The following DBNL variants were observed in gnomAD, a reference collection of about 807,000 sequenced individuals.
The protein encoded by DBNL is drebrin like, also known as drebrin-like protein.
A neutral mutation model predicts 62.2 loss-of-function variants in DBNL; 35 were observed. The ratio of observed to expected loss-of-function variants is 0.56; its 90% CI spans 0.43 to 0.75. The LOEUF (loss-of-function observed/expected upper bound fraction) is 0.75, where lower values mean the gene tolerates loss of function less well. Among genes scored for constraint, DBNL ranks in the 30% least tolerant of loss-of-function variants. DBNL has a pLI of 0.00. For synonymous variants in DBNL, 197 were observed against 218.0 expected (o/e 0.90, Z 0.85); for missense variants, 495 against 578.4 (o/e 0.86, Z 1.48).
Position 44,065,292 on chromosome 7 carries a change from G to A in DBNL, c.*4376G>A. 1 of 1,613,602 alleles carries A rather than the reference G, an allele frequency of 6.2e-7. No individual in the cohort carries two copies. The highest frequency in any genetic ancestry group is 8.5e-7 in the Non-Finnish European group (1 of 1,180,048). On this transcript the variant is annotated 3_prime_UTR_variant, in exon 13 of 13. Coordinates refer to ENST00000448521, the MANE Select transcript of DBNL (RefSeq NM_001014436.3). ...TTGAGGCGCCAAGTGCGCACCACAG[G>A]CAGCCACATCTGGTCCGTGCCGTCC... is the stretch of plus-strand genomic sequence containing the variant.
intron 3 of DBNL, 57 bp from the exon 4 acceptor site, chr7:44,052,810 G>A (rs996111464): frequency 1.2e-6 from 2 of 1,603,002 alleles, no homozygotes; most frequent in Admixed American, 1.7e-5. Context: ...GGGTCCCCAG[G>A]GAAGGGAAGT....
chr7:44,052,885 G>A lies in DBNL; in HGVS notation c.271G>A (p.Asp91Asn), dbSNP rs139647339. Residue 91 changes from aspartate to asparagine, a missense_variant, in exon 4 of 13, where the codon GAT becomes AAT. Asp to Asn is a conservative substitution (Grantham distance 23, BLOSUM62 1). Transcript: ENST00000448521. Reference sequence around the variant, plus strand: ...GTTGCAGACAGGCGAGGGCGTGAACGATGTGCGGAAGGGAGCCTGTGCCAG... The same window carrying A: ...GTTGCAGACAGGCGAGGGCGTGAACAATGTGCGGAAGGGAGCCTGTGCCAG... ...LINWTGEGVN[D>N]VRKGACASHV... The A allele has an allele frequency of 4.3e-5, 69 of 1,613,766 alleles. No homozygotes were observed. Among genetic ancestry groups the A allele is most frequent in the Admixed American group, 1.7e-4 (10 of 60,004 alleles).
Position 44,064,794 on chromosome 7 carries a change from C to CCCCCCCCCCCCCCCCCCGCCCCCGGG in DBNL, c.*3880_*3881insCCCCCCCCCCCCCCCGCCCCCGGGCC. The CCCCCCCCCCCCCCCCCCGCCCCCGGG allele has an allele frequency of 1.9e-6, 1 of 526,670 alleles. No individual in the cohort carries two copies. The highest frequency in any genetic ancestry group is 3.6e-6 in the Non-Finnish European group (1 of 274,530). 32.6% of individuals were successfully genotyped at this position (526,670 alleles called of 1,614,324 possible). Reference sequence around the variant, plus strand: ...GATGAGAAGCCAGCTGGGGCTGCTGCCCACCCACCCTGCCCAGGCTCCTGA... The same window carrying CCCCCCCCCCCCCCCCCCGCCCCCGGG: ...GATGAGAAGCCAGCTGGGGCTGCTGCCCCCCCCCCCCCCCCCCGCCCCCGGGCCACCCACCCTGCCCAGGCTCCTGA... On this transcript the variant is annotated 3_prime_UTR_variant, in exon 13 of 13. Coordinates refer to ENST00000448521, the MANE Select transcript of DBNL (RefSeq NM_001014436.3).
Position 44,051,820 on chromosome 7 carries a change from T to C in DBNL, c.140-10T>C. 5 of 1,613,782 alleles carry C rather than the reference T, an allele frequency of 3.1e-6. No individual in the cohort carries two copies. The highest frequency in any genetic ancestry group is 4.2e-6 in the Non-Finnish European group (5 of 1,179,792). ...GGCCACCCCTGACCTTCACTGTGAC[T>C]CTGCTGCAGAGGGTGGCCTGGAGGA... is the stretch of plus-strand genomic sequence containing the variant. On this transcript the variant is annotated splice_polypyrimidine_tract_variant and intron_variant, in intron 2 of 12. Transcript: ENST00000448521.
chr7:44,051,578 G>C, intron 2 of DBNL: 1 of 338,682 alleles, frequency 3.0e-6, no homozygotes, highest in South Asian at 7.4e-5. Flanking sequence ...TTTTAAACGA[G>C]TGTGGGTAAA....
intron 2 of DBNL, 99 bp downstream of exon 2, chr7:44,050,379 G>C: frequency 1.5e-6 from 2 of 1,312,594 alleles, no homozygotes; most frequent in Non-Finnish European, 2.2e-6. Flanking sequence ...GAGCCACATG[G>C]GGCTTCCAGT....
In DBNL at chr7:44,061,017, A is replaced by AT. The variant is rs1456395882; in HGVS notation, c.*101_*102insT. On this transcript the variant is annotated 3_prime_UTR_variant, in exon 13 of 13. Coordinates refer to ENST00000448521, the MANE Select transcript of DBNL (RefSeq NM_001014436.3). ...CATTCAGCACTCTTCCAGGAATAGG[A>AT]CCCCCAGTGAGGATGAGGCCTCAGG... is the stretch of plus-strand genomic sequence containing the variant. The AT allele has an allele frequency of 6.8e-7, 1 of 1,463,468 alleles. No individual in the cohort carries two copies. Among genetic ancestry groups the AT allele is most frequent in the African/African-American group, 1.4e-5 (1 of 71,014 alleles). The allele number at this position is 1,463,468 out of a possible 1,614,324, so 90.7% of individuals were successfully genotyped here. A position where few individuals can be genotyped will look rare whatever the true frequency, so the allele number is the denominator to read the frequency against.
intron 2 of DBNL, 133 bp downstream of exon 2, chr7:44,050,413 C>A (rs2096124557): frequency 3.4e-6 from 3 of 872,452 alleles, no homozygotes; most frequent in African/African-American, 3.4e-5. Flanking sequence ...TTCTGGCAGG[C>A]CTTAGGTTTC....
Position 44,059,338 on chromosome 7 carries a change from T to G in DBNL, c.836-16T>G. Reference sequence around the variant, plus strand: ...GGTGTTTCTGAAGTGATGTATATATTTACCCGGGTTTGCAGGCAAGCTGAG... The same window carrying G: ...GGTGTTTCTGAAGTGATGTATATATGTACCCGGGTTTGCAGGCAAGCTGAG... On this transcript the variant is annotated splice_polypyrimidine_tract_variant and intron_variant, in intron 9 of 12. Transcript: ENST00000448521. The surrounding 1 kb of genome is among the most constrained non-coding windows in gnomAD (Gnocchi z 4.1). 2 of 1,613,408 alleles carry G rather than the reference T, an allele frequency of 1.2e-6. No homozygotes were observed. The highest frequency in any genetic ancestry group is 1.1e-5 in the South Asian group (1 of 91,054).
intron 7 of DBNL, 47 bp from the exon 8 acceptor site, chr7:44,058,385 A>C: frequency 6.2e-7 from 1 of 1,613,866 alleles, no homozygotes; most frequent in Non-Finnish European, 8.5e-7. Context: ...TGGCATGAGA[A>C]GCTGTGACTG....
rs750344114 is a variant in DBNL, at chr7:44,065,514, G to C, written c.*4598G>C. 7.1e-5 allele frequency: 115 copies of C among 1,613,890 alleles called. 1 individual carries two copies. In the Middle Eastern group the frequency reaches 1.6e-3, roughly 23 times the overall value. ...CTCTCGCCGTGCCGGACCATCACGAGGCGGTGAGTGGCCATGGTGGCAGCA... is the reference window on the plus strand; with the variant it reads ...CTCTCGCCGTGCCGGACCATCACGACGCGGTGAGTGGCCATGGTGGCAGCA... On this transcript the variant is annotated 3_prime_UTR_variant, in exon 13 of 13. Transcript: ENST00000448521.
intron 4 of DBNL, 106 bp from the exon 5 acceptor site, chr7:44,056,651 C>G: frequency 1.4e-6 from 2 of 1,448,636 alleles, no homozygotes; most frequent in Non-Finnish European, 1.9e-6. Context: ...TTCCTGATTC[C>G]AGTCCTGTGT....
At position 44,064,620 on chromosome 7, in the gene DBNL, A is replaced by C; in HGVS notation, c.*3704A>C. 2 of 591,758 alleles carry C rather than the reference A, an allele frequency of 3.4e-6. No individual in the cohort carries two copies. The highest frequency in any genetic ancestry group is 6.1e-6 in the Non-Finnish European group (2 of 330,554). 36.7% of individuals were successfully genotyped at this position (591,758 alleles called of 1,614,324 possible). On this transcript the variant is annotated 3_prime_UTR_variant, in exon 13 of 13. Transcript: ENST00000448521. ...TCGGGACACAGCGAGCTTCGAGTGC[A>C]GTCAGCCCCTGTGGAGTGTGTCCCA...
At position 44,059,980 on chromosome 7, in the gene DBNL, T is replaced by C. The variant is rs2096145286; in HGVS notation, c.1048-68T>C. On this transcript the variant is annotated intron_variant, in intron 11 of 12. Coordinates refer to ENST00000448521, the MANE Select transcript of DBNL (RefSeq NM_001014436.3). This position sits in a 1 kb window ranked among gnomAD's most constrained non-coding sequence, Gnocchi z 4.1. ...CGTACTCCCAGCTTGACCTGAGCCA[T>C]GTGGGGCAGAGCAGCGATTGTGTGT... 2.4e-5 allele frequency: 36 copies of C among 1,499,690 alleles called. No homozygotes were observed. Among genetic ancestry groups the C allele is most frequent in the Non-Finnish European group, 3.1e-5 (34 of 1,091,802 alleles). 92.9% of individuals were successfully genotyped at this position (1,499,690 alleles called of 1,614,324 possible).
rs1163402752 is a variant in DBNL, at chr7:44,044,803, G to T, written c.66G>T (p.Glu22Asp). 3 of 1,493,594 alleles carry T rather than the reference G, an allele frequency of 2.0e-6. No individual in the cohort carries two copies. Among genetic ancestry groups the T allele is most frequent in the Admixed American group, 2.3e-5 (1 of 43,860 alleles). 92.5% of individuals were successfully genotyped at this position (1,493,594 alleles called of 1,614,324 possible). A position where few individuals can be genotyped will look rare whatever the true frequency, so the allele number is the denominator to read the frequency against. ...LQEAYVRVVTEKSPTDWALFT... is the reference protein window; with the variant it reads ...LQEAYVRVVTDKSPTDWALFT... ...AGGCCTACGTGCGGGTGGTCACCGAGAAGTCCCCGACCGACTGGTGGGCGG... is the reference window on the plus strand; with the variant it reads ...AGGCCTACGTGCGGGTGGTCACCGATAAGTCCCCGACCGACTGGTGGGCGG... The change falls in exon 1 of 13, where the codon GAG (glutamate) becomes GAT (aspartate). Residue 22 changes from glutamate to aspartate, a missense_variant. By Grantham distance (45) the Glu-to-Asp change is conservative. Transcript: ENST00000448521.
rs367760382 is a variant in DBNL, at chr7:44,058,232, G to C, written c.656G>C (p.Arg219Pro). Residue 219 changes from arginine to proline, a missense_variant, in exon 7 of 13, where the codon CGC (arginine) becomes CCC (proline). Transcript: ENST00000448521. Reference sequence around the variant, plus strand: ...GAGCGTGAGCTGCGTGAGGCTGCACGCCGGGAGCAGCGCTATCAGGAGCAG... The same window carrying C: ...GAGCGTGAGCTGCGTGAGGCTGCACCCCGGGAGCAGCGCTATCAGGAGCAG... ...RRERELREAA[R>P]REQRYQEQGG... 6 of 1,576,046 alleles carry C rather than the reference G, an allele frequency of 3.8e-6. No homozygotes were observed. The highest frequency in any genetic ancestry group is 5.2e-6 in the Non-Finnish European group (6 of 1,162,486).
Position 44,059,725 on chromosome 7 carries a change from G to A in DBNL, c.1047+67G>A, listed in dbSNP as rs192108782. 1.0e-4 allele frequency: 149 copies of A among 1,435,194 alleles called. No individual in the cohort carries two copies. The East Asian group carries it at 2.4e-3, about 23-fold the overall frequency. The allele number at this position is 1,435,194 out of a possible 1,614,324, so 88.9% of individuals were successfully genotyped here. A position where few individuals can be genotyped will look rare whatever the true frequency, so the allele number is the denominator to read the frequency against. ...TACTCAGGAACACTTATCACGGGCC[G>A]CCTGAGTTTTCTGGGGGCATGCAAC... On this transcript the variant is annotated intron_variant, in intron 11 of 12. Coordinates refer to ENST00000448521, the MANE Select transcript of DBNL (RefSeq NM_001014436.3). This position sits in a 1 kb window ranked among gnomAD's most constrained non-coding sequence, Gnocchi z 4.1.
At chr7:44,047,421 T>A (rs1475118343) in intron 1 of DBNL, among the ~76,000 whole-genome samples, 3 of 152,182 alleles carry the variant, frequency 2.0e-5, no homozygotes, top group African/African-American at 7.2e-5. Flanking sequence ...GGAGCAACCA[T>A]GACATCAGCT....
At chr7:44,053,888 G>A (rs2096131115) in intron 4 of DBNL, among the ~76,000 whole-genome samples, 1 of 152,142 alleles carries the variant, frequency 6.6e-6, no homozygotes, top group African/African-American at 2.4e-5. Flanking sequence ...GTGTTAGCCA[G>A]GATGGTCTCG....
Sources: gnomAD v4.1 joint callset for allele counts (sites outside exome capture counted in the v4.1 genomes callset) on GRCh38, gnomAD v4.1.1 for gene constraint, Gnocchi (gnomAD v3.1) non-coding constraint, MANE v1.5 for transcripts, NCBI Gene and HGNC (gene_info 2026-07-23, HGNC 2026-07-21) for gene names.